ABL2: variants seen among roughly 807,000 people sequenced by gnomAD.
ABL2 encodes tyrosine-protein kinase ABL2.
A neutral mutation model predicts 107.7 loss-of-function variants in ABL2; 49 were observed. The observed-to-expected ratio is 0.45, with a 90% confidence interval of 0.36 to 0.58. The LOEUF (loss-of-function observed/expected upper bound fraction) is 0.58, where lower values mean the gene tolerates loss of function less well. Among genes scored for constraint, ABL2 ranks in the 20% least tolerant of loss-of-function variants. The pLI, the probability that ABL2 is intolerant of heterozygous loss-of-function variation, is 0.00. For synonymous variants in ABL2, 549 were observed against 548.6 expected (o/e 1.00, Z -0.01); for missense variants, 1,245 against 1,457.0 (o/e 0.85, Z 2.37).
intron 1 of ABL2, among the ~76,000 whole-genome samples, chr1:179,149,287 G>C (rs1658220754): frequency 6.6e-6 from 1 of 152,224 alleles, no homozygotes; most frequent in African/African-American, 2.4e-5. Flanking sequence ...TGTGAAGGCA[G>C]AGAGAGGTAA....
intron 1 of ABL2, among the ~76,000 whole-genome samples, chr1:179,184,976 G>T (rs990599846): frequency 1.1e-4 from 16 of 152,238 alleles, no homozygotes; most frequent in African/African-American, 3.6e-4. Context: ...CGGAAAAAAA[G>T]AAAAACCTGC....
intron 1 of ABL2, among the ~76,000 whole-genome samples, chr1:179,216,339 T>C (rs1298551290): frequency 2.6e-5 from 4 of 152,250 alleles, no homozygotes; most frequent in Admixed American, 2.0e-4. Context: ...TTCTAATTAG[T>C]ATAATGACAA....
At chr1:179,148,765 T>C (rs1354444257) in intron 1 of ABL2, among the ~76,000 whole-genome samples, 1 of 151,944 alleles carries the variant, frequency 6.6e-6, no homozygotes, top group African/African-American at 2.4e-5. Flanking sequence ...CTGGGTGTGG[T>C]GGTGCATACC....
In ABL2 at chr1:179,144,921, T is replaced by G. The variant is rs74131930; in HGVS notation, c.158-11547A>C. ...ATCCATATGTAGACTCTATACCATA[T>G]GGTTTACTATTTAATCAATAAATCT... On this transcript the variant is annotated intron_variant, in intron 1 of 11. Transcript: ENST00000502732. Among the ~76,000 whole-genome samples the G allele has an allele frequency of 8.0e-3, 1,217 of 152,348 alleles. 14 individuals are homozygous for G. Among genetic ancestry groups the G allele is most frequent in the African/African-American group, 0.027 (1,134 of 41,584 alleles).
chr1:179,214,244 T>C (rs1000200607), intron 1 of ABL2, among the ~76,000 whole-genome samples: 3 of 152,034 alleles, frequency 2.0e-5, no homozygotes, highest in African/African-American at 7.2e-5. Context: ...GTCATGTTCT[T>C]GGCCATAAAA....
rs749723765 is a variant in ABL2, at chr1:179,107,787, G to A, written c.3480C>T (p.Pro1160=). The A allele has an allele frequency of 6.3e-5, 101 of 1,614,012 alleles. No homozygotes were observed. The highest frequency in any genetic ancestry group is 1.7e-4 in the African/African-American group (13 of 74,902). Residue 1160 remains proline, a synonymous_variant, in exon 12 of 12, where the codon CCC becomes CCT. Coordinates refer to ENST00000502732, the MANE Select transcript of ABL2 (RefSeq NM_007314.4). The part of the protein sequence containing the change: ...LQVSSAAAGV[P]GTNPVLNNLL... ...AGTTATTAAGGACAGGGTTTGTCCC[G>A]GGCACACCAGCAGCTGCTGAAGAAA... is the stretch of plus-strand genomic sequence containing the variant.
intron 1 of ABL2, among the ~76,000 whole-genome samples, chr1:179,197,571 A>T (rs1218695004): frequency 2.0e-5 from 3 of 151,488 alleles, no homozygotes; most frequent in Non-Finnish European, 2.9e-5. Context: ...AAAAAAAAAA[A>T]AAATTAAAAA....
At chr1:179,130,497 G>A (rs2102660379) in intron 3 of ABL2, among the ~76,000 whole-genome samples, 1 of 152,296 alleles carries the variant, frequency 6.6e-6, no homozygotes, top group East Asian at 1.9e-4. Context: ...TTCACATTCT[G>A]GCATAAGCAT....
chr1:179,191,914 A>T (rs1389081931), intron 1 of ABL2, among the ~76,000 whole-genome samples: 1 of 152,244 alleles, frequency 6.6e-6, no homozygotes, highest in Non-Finnish European at 1.5e-5. Flanking sequence ...GGAAACTGTC[A>T]TATAAAAATT....
intron 1 of ABL2, among the ~76,000 whole-genome samples, chr1:179,151,172 A>G (rs184529695): frequency 1.4e-4 from 22 of 152,290 alleles, no homozygotes; most frequent in Admixed American, 5.2e-4. Flanking sequence ...CAAACTTGCA[A>G]TATCTCCAAG....
intron 3 of ABL2, among the ~76,000 whole-genome samples, chr1:179,130,845 A>T (rs1193160535): frequency 1.3e-5 from 2 of 152,012 alleles, no homozygotes; most frequent in Non-Finnish European, 2.9e-5. Context: ...ATCCTTGTGT[A>T]CATGAACTGG....
chr1:179,212,892 C>A (rs1489044338), intron 1 of ABL2, among the ~76,000 whole-genome samples: 3 of 151,178 alleles, frequency 2.0e-5, no homozygotes. Context: ...ACTAAAAATA[C>A]AAAATTAGCC....
intron 1 of ABL2, among the ~76,000 whole-genome samples, chr1:179,164,046 G>T (rs1022222963): frequency 1.3e-5 from 2 of 152,178 alleles, no homozygotes; most frequent in African/African-American, 4.8e-5. Flanking sequence ...GGATTAAAGG[G>T]GGGGAATATG....
At chr1:179,168,430 A>G (rs1406408337) in intron 1 of ABL2, among the ~76,000 whole-genome samples, 2 of 152,036 alleles carry the variant, frequency 1.3e-5, no homozygotes, top group Admixed American at 1.3e-4. Context: ...TGTCCCTCAA[A>G]TATTCTCAAT....
intron 1 of ABL2, among the ~76,000 whole-genome samples, chr1:179,224,134 CAAAAAAAAA>C (rs1181284107): frequency 0.087 from 2,996 of 34,548 alleles, 50 homozygotes; most frequent in Middle Eastern, 0.29. Context: ...CTACTCACTA[CAAAAAAAAA>C]AAAAAAAAAA....
rs573119326 is a variant in ABL2 at position 179,144,416 on chromosome 1, C to T, written c.158-11042G>A. Among the ~76,000 whole-genome samples the T allele has an allele frequency of 2.6e-4, 40 of 152,044 alleles. No homozygotes were observed. In the South Asian group the frequency reaches 7.1e-3, roughly 27 times the overall value. The stretch of plus-strand genomic sequence containing the variant: ...TGCAGCTTGCAGTGAGCCAAGATCG[C>T]GCCACTGCACTCCAGCCTGGGCGAC... On this transcript the variant is annotated intron_variant, in intron 1 of 11. Coordinates refer to ENST00000502732, the MANE Select transcript of ABL2 (RefSeq NM_007314.4).
chr1:179,179,086 G>A (rs1264223328), intron 1 of ABL2, among the ~76,000 whole-genome samples: 2 of 152,168 alleles, frequency 1.3e-5, no homozygotes, highest in African/African-American at 4.8e-5. Context: ...ATTAACAACA[G>A]TTACATCCTA....
intron 1 of ABL2, among the ~76,000 whole-genome samples, chr1:179,174,172 C>A (rs1659889664): frequency 6.6e-6 from 1 of 152,032 alleles, no homozygotes; most frequent in African/African-American, 2.4e-5. Flanking sequence ...CATGTAGTCC[C>A]AGCTACTCAG....
chr1:179,161,579 C>T (rs1384709403), intron 1 of ABL2, among the ~76,000 whole-genome samples: 8 of 152,036 alleles, frequency 5.3e-5, no homozygotes, highest in Non-Finnish European at 7.4e-5. Flanking sequence ...GGCGTGGTGG[C>T]GCGTGCCTGT....
Sources: gnomAD v4.1 joint callset for allele counts (sites outside exome capture counted in the v4.1 genomes callset) on GRCh38, gnomAD v4.1.1 for gene constraint, MANE v1.5 for transcripts, NCBI Gene and HGNC (gene_info 2026-07-23, HGNC 2026-07-21) for gene names.